Variants in MROH7 observed in about 807,000 individuals in gnomAD.
The protein encoded by MROH7 is maestro heat-like repeat-containing protein family member 7.
MROH7 carries 113 observed loss-of-function variants against 129.2 expected under a neutral mutation model. That is an observed-to-expected ratio of 0.87 (90% CI 0.75 to 1.02). MROH7 has a LOEUF of 1.02. Among genes scored for constraint, MROH7 ranks in the 50% least tolerant of loss-of-function variants. MROH7 has a pLI of 0.00. For missense variants in MROH7, 1,601 were observed against 1,671.3 expected (o/e 0.96, Z 0.73); for synonymous variants, 655 against 667.9 (o/e 0.98, Z 0.30).
In MROH7 at chr1:54,673,145, A is replaced by T. The variant is rs780213540; in HGVS notation, c.1654A>T (p.Ile552Phe). The T allele has an allele frequency of 6.8e-6, 11 of 1,613,898 alleles. No homozygotes were observed. Among genetic ancestry groups the T allele is most frequent in the East Asian group, 2.2e-5 (1 of 44,894 alleles). Residue 552 changes from isoleucine to phenylalanine, a missense_variant, in exon 8 of 24, where the codon ATC (isoleucine) becomes TTC (phenylalanine). Ile to Phe is a conservative substitution (Grantham distance 21). Transcript: ENST00000421030. ...GCAGACACTGCTCAAAGCCCTCTTTATCGAGGACCCCACTCCTGCTGGGCT... is the reference window on the plus strand; with the variant it reads ...GCAGACACTGCTCAAAGCCCTCTTTTTCGAGGACCCCACTCCTGCTGGGCT... ...ALQTLLKALF[I>F]EDPTPAGLKS...
intron 1 of MROH7, among the ~76,000 whole-genome samples, chr1:54,649,476 C>A (rs1644522929): frequency 6.6e-6 from 1 of 152,246 alleles, no homozygotes; most frequent in East Asian, 1.9e-4. Context: ...CCATGGGCTA[C>A]CCCAGTCACT....
chr1:54,683,657 G>A (rs781420769), intron 14 of MROH7, among the ~76,000 whole-genome samples: 2 of 152,154 alleles, frequency 1.3e-5, no homozygotes, highest in Non-Finnish European at 2.9e-5. Context: ...ATCCCTGGCC[G>A]GCTTCCCCAC....
In MROH7 at chr1:54,670,942, C is replaced by G; in HGVS notation, c.1599+13C>G. 6.3e-7 allele frequency: 1 copy of G among 1,588,562 alleles called. No homozygotes were observed. Among genetic ancestry groups the G allele is most frequent in the Non-Finnish European group, 8.6e-7 (1 of 1,167,936 alleles). ...TGAGACCATCCAGGTGAGGCGGGAC[C>G]TTCCCAGCAGGGCCTCAGGGCTGGC... On this transcript the variant is annotated intron_variant, in intron 7 of 23. Coordinates refer to ENST00000421030, the MANE Select transcript of MROH7 (RefSeq NM_001039464.4).
chr1:54,657,686 CTT>C (rs35538151), intron 3 of MROH7, among the ~76,000 whole-genome samples: 3 of 145,554 alleles, frequency 2.1e-5, no homozygotes, highest in Non-Finnish European at 1.5e-5. Context: ...CTATCTTAAC[CTT>C]TTTTTTTTTT....
At chr1:54,664,986 C>G (rs1344789423) in intron 3 of MROH7, among the ~76,000 whole-genome samples, 181 bp from the exon 4 acceptor site, 5 of 152,024 alleles carry the variant, frequency 3.3e-5, no homozygotes, top group African/African-American at 1.2e-4. Flanking sequence ...CACTTGCACT[C>G]TAGCCTGGGC....
chr1:54,679,196 A>C, intron 11 of MROH7, 67 bp from the exon 12 acceptor site: 5 of 1,539,232 alleles, frequency 3.2e-6, no homozygotes, highest in Non-Finnish European at 4.5e-6. Context: ...GCCTCTGTGC[A>C]CAAAGCTCGA....
chr1:54,662,741 A>G (rs540178918), intron 3 of MROH7, among the ~76,000 whole-genome samples: 97 of 152,054 alleles, frequency 6.4e-4, no homozygotes, highest in Non-Finnish European at 1.2e-3. Context: ...AAAGTCACCA[A>G]TTTTCCCAGT....
chr1:54,688,001 C>T (rs1285176026), intron 15 of MROH7, among the ~76,000 whole-genome samples: 1 of 150,330 alleles, frequency 6.7e-6, no homozygotes, highest in Non-Finnish European at 1.5e-5. Context: ...GACTTCATCG[C>T]TTGAAGTCAG....
intron 3 of MROH7, among the ~76,000 whole-genome samples, chr1:54,660,644 A>G (rs909672250): frequency 6.6e-6 from 1 of 151,826 alleles, no homozygotes; most frequent in Non-Finnish European, 1.5e-5. Context: ...AGAAACCCCA[A>G]CTCTACTAAA....
In MROH7 at chr1:54,670,818, G is replaced by A; in HGVS notation, c.1488G>A (p.Leu496=). 1 of 1,613,970 alleles carries A rather than the reference G, an allele frequency of 6.2e-7. No individual in the cohort carries two copies. The change falls in exon 7 of 24, where the codon CTG becomes CTA. Residue 496 remains leucine (L), a synonymous_variant. Transcript: ENST00000421030. ...TCTCCAGCCACACCCAGCCCACCCT[G>A]GGCATGCGGGAGAGGTCGGAGCTGG... ...LTQLSHTQPT[L]GMRERSELVN...
chr1:54,687,061 TTTA>T (rs1645159798), intron 15 of MROH7, among the ~76,000 whole-genome samples: 1 of 143,838 alleles, frequency 7.0e-6, no homozygotes, highest in Non-Finnish European at 1.6e-5. Flanking sequence ...TATTTATTTA[TTTA>T]TTTATTTATT....
chr1:54,695,502 G>A lies in MROH7; in HGVS notation c.2964+12G>A. On this transcript the variant is annotated intron_variant, in intron 17 of 23. Transcript: ENST00000421030. The stretch of plus-strand genomic sequence containing the variant: ...CCTTCTTCGTGGAGGTACCAACGGG[G>A]GCAGCGGGTACACAGCGGGAGCTCC... 1.3e-6 allele frequency: 2 copies of A among 1,588,224 alleles called. No homozygotes were observed. Among genetic ancestry groups the A allele is most frequent in the South Asian group, 2.2e-5 (2 of 89,776 alleles).
At chr1:54,673,650 C>G (rs374989050) in intron 8 of MROH7, 51 bp from the exon 9 acceptor site, 2 of 1,414,812 alleles carry the variant, frequency 1.4e-6, no homozygotes, top group Admixed American at 1.7e-5. Context: ...CACCCAGCAG[C>G]AGGGGCTGTC....
chr1:54,666,810 C>G (rs1194135813), intron 4 of MROH7, among the ~76,000 whole-genome samples: 1 of 152,064 alleles, frequency 6.6e-6, no homozygotes, highest in Non-Finnish European at 1.5e-5. Context: ...GGATCAGGAA[C>G]AGAGATTATC....
At position 54,652,887 on chromosome 1, in the gene MROH7, G is replaced by C. The variant is rs776627661; in HGVS notation, c.-40G>C. ...GGGAATGTGACAGTTGGCTGTTGGA[G>C]AGAAGCGGGCACTGGCATTGAGAGA... On this transcript the variant is annotated 5_prime_UTR_variant, in exon 3 of 24. Coordinates refer to ENST00000421030, the MANE Select transcript of MROH7 (RefSeq NM_001039464.4). 6.6e-7 allele frequency: 1 copy of C among 1,525,622 alleles called. No individual in the cohort carries two copies. Among genetic ancestry groups the C allele is most frequent in the Non-Finnish European group, 8.8e-7 (1 of 1,139,250 alleles). 94.5% of individuals were successfully genotyped at this position (1,525,622 alleles called of 1,614,324 possible). A position where few individuals can be genotyped will look rare whatever the true frequency, so the allele number is the denominator to read the frequency against.
chr1:54,665,301 C>A, intron 4 of MROH7, 61 bp downstream of exon 4: 1 of 1,331,558 alleles, frequency 7.5e-7, no homozygotes, highest in Non-Finnish European at 1.1e-6. Flanking sequence ...TGCCAACCCC[C>A]TACCCCCCAG....
intron 3 of MROH7, chr1:54,659,043 T>C (rs1644690381): frequency 5.0e-6 from 2 of 399,876 alleles, no homozygotes; most frequent in African/African-American, 2.2e-5. Flanking sequence ...CTTGAACTTA[T>C]TGCCAATAGA....
intron 17 of MROH7, chr1:54,699,127 T>A (rs1645376512): frequency 1.1e-5 from 1 of 93,774 alleles, no homozygotes; most frequent in Non-Finnish European, 2.3e-5. Flanking sequence ...TCTTTCTTTC[T>A]TTCTTTCTTT....
Position 54,670,580 on chromosome 1 carries a change from T to TCCATGGCCCTCTCCCTGTTC in MROH7, c.1469+8_1469+27dup. 6.2e-7 allele frequency: 1 copy of TCCATGGCCCTCTCCCTGTTC among 1,610,522 alleles called. No homozygotes were observed. The highest frequency in any genetic ancestry group is 2.2e-5 in the East Asian group (1 of 44,700). ...TGGAGATCCTGACCCAGCTGAGGTG[T>TCCATGGCCCTCTCCCTGTTC]CCATGGCCCTCTCCCTGTTCCCACA... On this transcript the variant is annotated splice_donor_region_variant and intron_variant, in intron 6 of 23. Transcript: ENST00000421030.
Sources: gnomAD v4.1 joint callset for allele counts (sites outside exome capture counted in the v4.1 genomes callset) on GRCh38, gnomAD v4.1.1 for gene constraint, MANE v1.5 for transcripts, NCBI Gene and HGNC (gene_info 2026-07-23, HGNC 2026-07-21) for gene names.